The following KCNH8 variants were observed in gnomAD, a reference collection of about 807,000 sequenced individuals.
The protein encoded by KCNH8 is potassium voltage-gated channel subfamily H member 8.
Under a neutral mutation model 103.6 loss-of-function variants are expected in KCNH8, and 70 were observed. That is an observed-to-expected ratio of 0.68 (90% CI 0.56 to 0.82). The LOEUF is 0.82. Among genes scored for constraint, KCNH8 ranks in the 40% least tolerant of loss-of-function variants. The pLI is 0.00. For missense variants in KCNH8, 1,217 were observed against 1,329.9 expected (o/e 0.92, Z 1.32); for synonymous variants, 498 against 489.4 (o/e 1.02, Z -0.23).
At chr3:19,237,704 C>T (rs2064083600) in intron 1 of KCNH8, among the ~76,000 whole-genome samples, 1 of 152,132 alleles carries the variant, frequency 6.6e-6, no homozygotes, top group African/African-American at 2.4e-5. Flanking sequence ...GAAATCTGTG[C>T]AGTTAGTATA....
intron 1 of KCNH8, among the ~76,000 whole-genome samples, chr3:19,172,790 C>G (rs1405286137): frequency 6.6e-6 from 1 of 152,160 alleles, no homozygotes; most frequent in African/African-American, 2.4e-5. Context: ...GGTTCAAGCT[C>G]TTATCTACCT....
intron 7 of KCNH8, among the ~76,000 whole-genome samples, chr3:19,408,872 A>G (rs142637655): frequency 5.9e-5 from 9 of 152,298 alleles, no homozygotes; most frequent in Non-Finnish European, 1.2e-4. Context: ...AGCTTATGTA[A>G]ACTGATCAAA....
rs371808184 is a variant in KCNH8, at chr3:19,388,214, A to G, written c.812-2267A>G. ...ACCTTAGCCTATATTGCGGAAACCA[A>G]ACATCACTAATGAGCTTAGTAAACA... On this transcript the variant is annotated intron_variant, in intron 5 of 15. Coordinates refer to ENST00000328405, the MANE Select transcript of KCNH8 (RefSeq NM_144633.3). Among the ~76,000 whole-genome samples, 6 of 152,280 alleles carry G rather than the reference A, an allele frequency of 3.9e-5. No individual in the cohort carries two copies. The East Asian group carries it at 5.8e-4, about 15-fold the overall frequency.
Position 19,387,566 on chromosome 3 carries a change from G to A in KCNH8, c.812-2915G>A, listed in dbSNP as rs572705410. On this transcript the variant is annotated intron_variant, in intron 5 of 15. Coordinates refer to ENST00000328405, the MANE Select transcript of KCNH8 (RefSeq NM_144633.3). ...ATAAGTACGACAAAAGTAGTTGTTCGCTTTGAAATCAGTTACTGAATAAAT... is the reference window on the plus strand; with the variant it reads ...ATAAGTACGACAAAAGTAGTTGTTCACTTTGAAATCAGTTACTGAATAAAT... 4.4e-3 allele frequency among the ~76,000 whole-genome samples: 672 copies of A among 152,130 alleles called. 6 individuals carry two copies. The highest frequency in any genetic ancestry group is 6.9e-3 in the Non-Finnish European group (466 of 67,980).
intron 1 of KCNH8, among the ~76,000 whole-genome samples, chr3:19,154,799 A>G (rs1193968508): frequency 6.6e-6 from 1 of 152,240 alleles, no homozygotes; most frequent in Non-Finnish European, 1.5e-5. Flanking sequence ...GCTGGAATTC[A>G]GTGCCAGTGA....
At chr3:19,467,813 A>G (rs1469543387) in intron 11 of KCNH8, among the ~76,000 whole-genome samples, 1 of 152,194 alleles carries the variant, frequency 6.6e-6, no homozygotes, top group East Asian at 1.9e-4. Context: ...ACTTTTTATC[A>G]TAACTTTCAA....
rs754785603 is a variant in KCNH8 at position 19,450,227 on chromosome 3, G to GC, written c.1501dup (p.Gln501ProfsTer25). The GC allele has an allele frequency of 6.2e-7, 1 of 1,613,586 alleles. No individual in the cohort carries two copies. The highest frequency in any genetic ancestry group is 8.5e-7 in the Non-Finnish European group (1 of 1,179,770). ...AAGATTTCATCCGTGTCCATCACTTGCCCCAACAACTCAAGCAGAGGATGC... is the reference window on the plus strand; with the variant it reads ...AAGATTTCATCCGTGTCCATCACTTGCCCCCAACAACTCAAGCAGAGGATGC... On this transcript the variant is annotated frameshift_variant, in exon 9 of 16. Coordinates refer to ENST00000328405, the MANE Select transcript of KCNH8 (RefSeq NM_144633.3). LOFTEE classifies it high-confidence loss of function.
At chr3:19,214,016 T>C (rs1398944403) in intron 1 of KCNH8, among the ~76,000 whole-genome samples, 1 of 152,152 alleles carries the variant, frequency 6.6e-6, no homozygotes, top group Non-Finnish European at 1.5e-5. Context: ...CACCTGGGCT[T>C]CTACCACCCC....
intron 11 of KCNH8, among the ~76,000 whole-genome samples, chr3:19,494,443 A>C (rs2125226885): frequency 6.6e-6 from 1 of 152,262 alleles, no homozygotes; most frequent in South Asian, 2.1e-4. Context: ...CATCCATATA[A>C]GATGTGACTT....
In KCNH8 at chr3:19,429,162, CT is replaced by C. The variant is rs575154927; in HGVS notation, c.1178-8976del. On this transcript the variant is annotated intron_variant, in intron 7 of 15. Coordinates refer to ENST00000328405, the MANE Select transcript of KCNH8 (RefSeq NM_144633.3). ...AAATGCATATGAGTCAGAATCCACT[CT>C]TTTTTTTTTTTTTTTTTTTTTTTTT... Among the ~76,000 whole-genome samples the C allele has an allele frequency of 7.6e-4, 68 of 89,850 alleles. No individual in the cohort carries two copies. In the East Asian group the frequency reaches 0.016, roughly 22 times the overall value. The allele number at this position is 89,850 out of a possible 152,430, so 58.9% of individuals were successfully genotyped here.
rs1431010331 is a variant in KCNH8, at chr3:19,340,340, T to A, written c.443-2247T>A. 4.3e-5 allele frequency among the ~76,000 whole-genome samples: 5 copies of A among 115,092 alleles called. No homozygotes were observed. In the South Asian group the frequency reaches 7.8e-4, roughly 18 times the overall value. 75.5% of individuals were successfully genotyped at this position (115,092 alleles called of 152,430 possible). On this transcript the variant is annotated intron_variant, in intron 3 of 15. Coordinates refer to ENST00000328405, the MANE Select transcript of KCNH8 (RefSeq NM_144633.3). Reference sequence around the variant, plus strand: ...ATTGTGACATAGATTCAATTTATTTTTTTTATTTTTTTTTTAATTTTTTTT... The same window carrying A: ...ATTGTGACATAGATTCAATTTATTTATTTTATTTTTTTTTTAATTTTTTTT...
At chr3:19,250,773 G>T (rs1575469039) in intron 1 of KCNH8, among the ~76,000 whole-genome samples, 1 of 152,156 alleles carries the variant, frequency 6.6e-6, no homozygotes, top group African/African-American at 2.4e-5. Flanking sequence ...ATGTGTTTTA[G>T]TGTTATTTAT....
intron 11 of KCNH8, among the ~76,000 whole-genome samples, chr3:19,458,078 G>A (rs527385903): frequency 6.8e-6 from 1 of 147,108 alleles, no homozygotes; most frequent in African/African-American, 2.7e-5. Context: ...GGTAAGTCTT[G>A]ATCTATTTTT....
chr3:19,339,311 T>A (rs572340651), intron 3 of KCNH8, among the ~76,000 whole-genome samples: 12 of 152,140 alleles, frequency 7.9e-5, no homozygotes, highest in African/African-American at 2.9e-4. Flanking sequence ...CGGTTCATTT[T>A]GTAGTTAGCA....
intron 2 of KCNH8, among the ~76,000 whole-genome samples, chr3:19,260,164 A>C (rs1352624467): frequency 6.6e-6 from 1 of 151,678 alleles, no homozygotes; most frequent in Non-Finnish European, 1.5e-5. Flanking sequence ...TTTAGCTTCA[A>C]ATACACATTT....
At chr3:19,428,938 T>C (rs2067069964) in intron 7 of KCNH8, among the ~76,000 whole-genome samples, 2 of 152,108 alleles carry the variant, frequency 1.3e-5, no homozygotes, top group Admixed American at 6.6e-5. Flanking sequence ...CTGCATTCTA[T>C]CTACTTCTTA....
chr3:19,501,696 T>C (rs1327310453), intron 11 of KCNH8, among the ~76,000 whole-genome samples: 3 of 152,188 alleles, frequency 2.0e-5, no homozygotes, highest in South Asian at 4.1e-4. Context: ...TCTCAATAGA[T>C]GCAGAAAAGG....
At chr3:19,395,340 AT>A (rs1559307118) in intron 7 of KCNH8, 29 bp downstream of exon 7, 1 of 1,500,316 alleles carries the variant, frequency 6.7e-7, no homozygotes, top group Non-Finnish European at 9.2e-7. Flanking sequence ...CACATTTTCC[AT>A]TTTTTAATTT....
At chr3:19,196,929 C>T (rs1388452459) in intron 1 of KCNH8, among the ~76,000 whole-genome samples, 1 of 151,874 alleles carries the variant, frequency 6.6e-6, no homozygotes, top group Non-Finnish European at 1.5e-5. Flanking sequence ...TAATAAATAG[C>T]AGAGGTGGAA....
Sources: allele counts gnomAD v4.1 joint callset (sites outside exome capture counted in the v4.1 genomes callset), GRCh38; gene constraint gnomAD v4.1.1; transcripts MANE v1.5; gene names NCBI Gene and HGNC (gene_info 2026-07-23, HGNC 2026-07-21).